RYR1: variants seen among roughly 807,000 people sequenced by gnomAD.
RYR1 encodes the protein central core disease of muscle.
In RYR1, 342 loss-of-function variants were observed where a neutral mutation model predicts 583.5. The ratio of observed to expected loss-of-function variants is 0.59; its 90% CI spans 0.54 to 0.64. The LOEUF (loss-of-function observed/expected upper bound fraction) is 0.64. Among genes scored for constraint, RYR1 ranks in the 30% least tolerant of loss-of-function variants. The pLI is 0.00. For missense variants in RYR1, 6,032 were observed against 6,917.2 expected, an observed-to-expected ratio of 0.87 and a Z score of 4.54; for synonymous variants, 2,791 against 2,822.5, an observed-to-expected ratio of 0.99 and a Z score of 0.35.
chr19:38,520,703 A>AAAAAAAAAAAAAAAAAAAAAAAAC (rs1971191307), intron 67 of RYR1, among the ~76,000 whole-genome samples: 1 of 137,406 alleles, frequency 7.3e-6, no homozygotes, highest in African/African-American at 3.5e-5. Context: ...CAAAAAAAAA[A>AAAAAAAAAAAAAAAAAAAAAAAAC]AAAAAAAAAA....
chr19:38,578,028 G>C lies in RYR1; in HGVS notation c.14283G>C (p.Pro4761=). The C allele has an allele frequency of 6.2e-7, 1 of 1,614,076 alleles. No individual in the cohort carries two copies. Among genetic ancestry groups the C allele is most frequent in the East Asian group, 2.2e-5 (1 of 44,880 alleles). Residue 4761 remains proline (P), a synonymous_variant, in exon 98 of 106, where the codon CCG becomes CCC. Transcript: ENST00000359596. ...ITAHNERKPN[P]PPGLLTWLMS... ...CCCACAATGAGCGCAAGCCCAACCCGCCGCCAGGGCTGCTGACCTGGTGAG... is the reference window on the plus strand; with the variant it reads ...CCCACAATGAGCGCAAGCCCAACCCCCCGCCAGGGCTGCTGACCTGGTGAG...
At position 38,465,486 on chromosome 19, in the gene RYR1, C is replaced by T. The variant is rs760118466; in HGVS notation, c.2871-605C>T. ...ACAACCTCAAAAAAACAAAAAGAGC[C>T]GGGCTCAGTCGCTCACGCCTGTAAT... On this transcript the variant is annotated intron_variant, in intron 23 of 105. Coordinates refer to ENST00000359596, the MANE Select transcript of RYR1 (RefSeq NM_000540.3). Among the ~76,000 whole-genome samples, 11 of 151,464 alleles carry T rather than the reference C, an allele frequency of 7.3e-5. No individual in the cohort carries two copies. The South Asian group carries it at 1.3e-3, about 17-fold the overall frequency.
At chr19:38,468,912 C>G in intron 25 of RYR1, 54 bp from the exon 26 acceptor site, 1 of 1,584,438 alleles carries the variant, frequency 6.3e-7, no homozygotes, top group Admixed American at 1.7e-5. Flanking sequence ...TTCCTTATCT[C>G]TCCATTTCTC....
At chr19:38,469,603 A>T (rs1342302438) in intron 27 of RYR1, 90 bp downstream of exon 27, 6 of 1,296,906 alleles carry the variant, frequency 4.6e-6, no homozygotes, top group Non-Finnish European at 6.6e-6. Flanking sequence ...TTTTCCCTCC[A>T]TGTTAGGACA....
chr19:38,462,010 G>A (rs1040941449), intron 20 of RYR1, among the ~76,000 whole-genome samples: 6 of 152,022 alleles, frequency 3.9e-5, no homozygotes, highest in East Asian at 1.9e-4. Flanking sequence ...AGCCGAGATC[G>A]CACCACTGCA....
intron 99 of RYR1, among the ~76,000 whole-genome samples, chr19:38,579,732 C>T (rs1974114378): frequency 2.0e-5 from 3 of 152,142 alleles, no homozygotes. Context: ...AGCCACCACA[C>T]CCGGCCCAGA....
intron 11 of RYR1, among the ~76,000 whole-genome samples, chr19:38,450,342 G>T (rs895067649): frequency 6.6e-6 from 1 of 152,106 alleles, no homozygotes; most frequent in Non-Finnish European, 1.5e-5. Context: ...GAGGGGTTGA[G>T]GATGATGCCA....
intron 29 of RYR1, among the ~76,000 whole-genome samples, chr19:38,477,288 G>A (rs777007150): frequency 3.3e-5 from 5 of 151,876 alleles, no homozygotes; most frequent in Non-Finnish European, 5.9e-5. Context: ...GACTACAGGC[G>A]CCCACCACCA....
chr19:38,563,597 G>C (rs1468773577), intron 90 of RYR1, among the ~76,000 whole-genome samples: 2 of 152,178 alleles, frequency 1.3e-5, no homozygotes, highest in Non-Finnish European at 2.9e-5. Context: ...ACCGGGCGCT[G>C]TTCTAATCAT....
intron 84 of RYR1, chr19:38,538,412 C>T (rs1040740484): frequency 2.3e-5 from 4 of 172,690 alleles, no homozygotes; most frequent in African/African-American, 7.1e-5. Flanking sequence ...AAAAAAACCT[C>T]GCTGGAATTT....
chr19:38,570,766 G>A, intron 94 of RYR1, 73 bp downstream of exon 94: 1 of 1,266,524 alleles, frequency 7.9e-7, no homozygotes, highest in South Asian at 1.2e-5. Flanking sequence ...GCCCCTATCA[G>A]AATTTCAGGG....
At chr19:38,524,136 G>A (rs1319478276) in intron 70 of RYR1, among the ~76,000 whole-genome samples, 3 of 97,722 alleles carry the variant, frequency 3.1e-5, no homozygotes, top group African/African-American at 1.2e-4. Flanking sequence ...TTGGCAATTT[G>A]ACTTCTTTTC....
At chr19:38,474,564 CTTTTTTT>C (rs970000046) in intron 28 of RYR1, among the ~76,000 whole-genome samples, 8 of 88,206 alleles carry the variant, frequency 9.1e-5, no homozygotes, top group Non-Finnish European at 1.3e-4. Context: ...CGCCCGGCTC[CTTTTTTT>C]TTTTTTTTTT....
intron 89 of RYR1, among the ~76,000 whole-genome samples, chr19:38,551,449 CCT>C (rs1206051278): frequency 6.6e-6 from 1 of 151,984 alleles, no homozygotes; most frequent in East Asian, 1.9e-4. Flanking sequence ...CTCAGGGTTC[CCT>C]GAGTTAAAAT....
At chr19:38,488,463 A>G (rs1969398269) in intron 34 of RYR1, among the ~76,000 whole-genome samples, 1 of 150,456 alleles carries the variant, frequency 6.6e-6, no homozygotes, top group Middle Eastern at 3.4e-3. Context: ...CCTTTCGTCT[A>G]CTCCCTCTTT....
chr19:38,485,956 C>A lies in RYR1; in HGVS notation c.5301C>A (p.Val1767=). Residue 1767 remains valine (V), a synonymous_variant, in exon 34 of 106, where the codon GTC becomes GTA. Transcript: ENST00000359596. ...HPRHGLPGVG[V]TTSLRPPHHF... ...GGCATGGCCTGCCGGGAGTTGGAGT[C>A]ACCACTTCGCTGAGGCCCCCGCATC... 1 of 1,613,726 alleles carries A rather than the reference C, an allele frequency of 6.2e-7. No homozygotes were observed. Among genetic ancestry groups the A allele is most frequent in the South Asian group, 1.1e-5 (1 of 91,090 alleles).
chr19:38,463,140 T>TGGGGG (rs1967858286), intron 20 of RYR1, among the ~76,000 whole-genome samples: 1 of 28,124 alleles, frequency 3.6e-5, no homozygotes, highest in Non-Finnish European at 5.7e-5. Context: ...TCAGGCGATC[T>TGGGGG]GCCCCCCCCC....
At chr19:38,475,754 C>T (rs1214693334) in intron 29 of RYR1, among the ~76,000 whole-genome samples, 1 of 152,214 alleles carries the variant, frequency 6.6e-6, no homozygotes, top group Non-Finnish European at 1.5e-5. Context: ...AACATTTGGG[C>T]TCACTCATAT....
rs529780448 is a variant in RYR1, at chr19:38,503,255, C to T, written c.7926+285C>T. ...AATTAGCATATATTTGCATGGAGCA[C>T]ACCACTTTCCCTAATTAGCATGTTT... On this transcript the variant is annotated intron_variant, in intron 49 of 105. Coordinates refer to ENST00000359596, the MANE Select transcript of RYR1 (RefSeq NM_000540.3). Among the ~76,000 whole-genome samples the T allele has an allele frequency of 1.6e-4, 25 of 152,310 alleles. No individual in the cohort carries two copies. In the South Asian group the frequency reaches 4.4e-3, roughly 27 times the overall value.
Sources: gnomAD v4.1 joint callset for allele counts (sites outside exome capture counted in the v4.1 genomes callset) on GRCh38, gnomAD v4.1.1 for gene constraint, MANE v1.5 for transcripts, NCBI Gene and HGNC (gene_info 2026-07-23, HGNC 2026-07-21) for gene names.